The following THAP4 variants were observed in gnomAD, a reference collection of about 807,000 sequenced individuals.
THAP4 encodes THAP domain containing 4.
A neutral mutation model predicts 48.1 loss-of-function variants in THAP4; 18 were observed. The observed-to-expected ratio is 0.37, with a 90% confidence interval of 0.26 to 0.56. THAP4 has a LOEUF of 0.56. Among genes scored for constraint, THAP4 ranks in the 20% least tolerant of loss-of-function variants. The pLI, the probability that THAP4 is intolerant of heterozygous loss-of-function variation, is 0.78. For synonymous variants in THAP4, 345 were observed against 324.9 expected (o/e 1.06, Z -0.66); for missense variants, 656 against 774.9 (o/e 0.85, Z 1.82).
chr2:241,602,823 A>G (rs1270928993), intron 4 of THAP4, 147 bp downstream of exon 4: 2 of 652,124 alleles, frequency 3.1e-6, no homozygotes, highest in Non-Finnish European at 2.7e-6. Context: ...GGCTCCCAGG[A>G]CCACTCTCAA....
At chr2:241,584,776 C>G in intron 5 of THAP4, 51 bp from the exon 6 acceptor site, 1 of 1,611,000 alleles carries the variant, frequency 6.2e-7, no homozygotes, top group Non-Finnish European at 8.5e-7. Flanking sequence ...TCAAAAGATT[C>G]AATCAATGCC....
chr2:241,596,485 C>T (rs1449814265), intron 5 of THAP4, among the ~76,000 whole-genome samples: 27 of 14,492 alleles, frequency 1.9e-3, no homozygotes, highest in African/African-American at 0.014. Context: ...CCAGCCTGGG[C>T]GACAAGAGTG....
At chr2:241,595,848 C>A (rs1414587080) in intron 5 of THAP4, among the ~76,000 whole-genome samples, 1 of 152,186 alleles carries the variant, frequency 6.6e-6, no homozygotes, top group African/African-American at 2.4e-5. Flanking sequence ...AAGAACCAGG[C>A]AGAGGCTGCT....
intron 2 of THAP4, among the ~76,000 whole-genome samples, chr2:241,611,717 C>CT (rs1414711921): frequency 7.5e-6 from 1 of 133,692 alleles, no homozygotes; most frequent in Admixed American, 7.8e-5. Flanking sequence ...GGGTGAGACT[C>CT]TGTCTCCAAA....
chr2:241,621,367 T>A (rs1441101509), intron 2 of THAP4, among the ~76,000 whole-genome samples: 1 of 151,916 alleles, frequency 6.6e-6, no homozygotes, highest in Non-Finnish European at 1.5e-5. Flanking sequence ...GTAATAATAA[T>A]AAAATCAGTA....
Position 241,610,115 on chromosome 2 carries a change from G to A in THAP4, c.1241-3642C>T, listed in dbSNP as rs1166190313. ...CGAGGAAGAGGCCAAGGGGCCTGGC[G>A]GCGCCCCCCAGGGTCCCAGTGGAAC... On this transcript the variant is annotated intron_variant, in intron 2 of 5. Coordinates refer to ENST00000407315, the MANE Select transcript of THAP4 (RefSeq NM_015963.6). This position sits in a 1 kb window ranked among gnomAD's most constrained non-coding sequence, Gnocchi z 4.2. Among the ~76,000 whole-genome samples, 2 of 152,178 alleles carry A rather than the reference G, an allele frequency of 1.3e-5. No individual in the cohort carries two copies. Among genetic ancestry groups the A allele is most frequent in the Non-Finnish European group, 2.9e-5 (2 of 68,014 alleles).
chr2:241,606,361 C>G lies in THAP4; in HGVS notation c.1353G>C (p.Leu451=). 1.9e-6 allele frequency: 3 copies of G among 1,578,464 alleles called. No homozygotes were observed. The highest frequency in any genetic ancestry group is 2.6e-6 in the Non-Finnish European group (3 of 1,162,048). Residue 451 remains leucine (L), a synonymous_variant, in exon 3 of 6, where the codon CTG becomes CTC. Transcript: ENST00000407315. The part of the protein sequence containing the change: ...TYPTLQPFQY[L]EEVHISHVGQ... ...CCACGTGGGAGATGTGAACCTCCTC[C>G]AGGTACTGGAAGGGCTGCAGTGTGG...
chr2:241,584,848 G>A, intron 5 of THAP4, 123 bp from the exon 6 acceptor site: 1 of 1,283,742 alleles, frequency 7.8e-7, no homozygotes, highest in East Asian at 2.3e-5. Flanking sequence ...GGCCCTGCCA[G>A]AGGAGGGTAG....
intron 2 of THAP4, among the ~76,000 whole-genome samples, chr2:241,620,917 T>C (rs1396100448): frequency 6.6e-6 from 1 of 151,964 alleles, no homozygotes; most frequent in Admixed American, 6.6e-5. Flanking sequence ...CTGGATCTGA[T>C]ATTTCATGTC....
intron 2 of THAP4, among the ~76,000 whole-genome samples, chr2:241,615,308 T>C (rs1308236603): frequency 6.6e-6 from 1 of 152,170 alleles, no homozygotes; most frequent in Admixed American, 6.5e-5. Context: ...TAGGAGCTTG[T>C]GTTTCACTTA....
chr2:241,585,780 G>A (rs2066886007), intron 5 of THAP4, among the ~76,000 whole-genome samples: 2 of 151,824 alleles, frequency 1.3e-5, no homozygotes, highest in Non-Finnish European at 2.9e-5. Flanking sequence ...GGGCATGGTG[G>A]TATGCACATG....
At chr2:241,605,512 C>T (rs563117586) in intron 3 of THAP4, among the ~76,000 whole-genome samples, 3 of 152,316 alleles carry the variant, frequency 2.0e-5, no homozygotes, top group African/African-American at 7.2e-5. Context: ...ACACTGCTAT[C>T]TCCCTAAAAG....
rs1017474302 is a variant in THAP4 at position 241,612,871 on chromosome 2, G to A, written c.1241-6398C>T. Among the ~76,000 whole-genome samples the A allele has an allele frequency of 6.6e-6, 1 of 152,216 alleles. No individual in the cohort carries two copies. Among genetic ancestry groups the A allele is most frequent in the South Asian group, 2.1e-4 (1 of 4,828 alleles). On this transcript the variant is annotated intron_variant, in intron 2 of 5. Transcript: ENST00000407315. The surrounding 1 kb of genome is among the most constrained non-coding windows in gnomAD (Gnocchi z 4.1). ...CGATCCTTCCAGATTGCAGGCGCGT[G>A]AGCTGGCTCACTGACACGTGCAGTG...
intron 2 of THAP4, among the ~76,000 whole-genome samples, chr2:241,617,950 C>G (rs2067368915): frequency 6.6e-6 from 1 of 152,252 alleles, no homozygotes; most frequent in Non-Finnish European, 1.5e-5. Flanking sequence ...AATGCACCCA[C>G]TGGGACCTGG....
In THAP4 at chr2:241,616,280, C is replaced by T. The variant is rs1300922185; in HGVS notation, c.1241-9807G>A. Reference sequence around the variant, plus strand: ...GAGGGATGGGTGGGCTGGAGATGGCCAGCAGCTGGCATTGCTGGCAGCTTG... The same window carrying T: ...GAGGGATGGGTGGGCTGGAGATGGCTAGCAGCTGGCATTGCTGGCAGCTTG... On this transcript the variant is annotated intron_variant, in intron 2 of 5. Transcript: ENST00000407315. This position sits in a 1 kb window ranked among gnomAD's most constrained non-coding sequence, Gnocchi z 4.6. 6.6e-6 allele frequency among the ~76,000 whole-genome samples: 1 copy of T among 152,172 alleles called. No individual in the cohort carries two copies.
chr2:241,586,778 T>C (rs1034797486), intron 5 of THAP4, among the ~76,000 whole-genome samples: 1 of 151,864 alleles, frequency 6.6e-6, no homozygotes, highest in African/African-American at 2.4e-5. Context: ...AAATGGAAAA[T>C]GATCAGTAGG....
intron 2 of THAP4, among the ~76,000 whole-genome samples, chr2:241,623,591 A>G (rs2067461037): frequency 6.8e-6 from 1 of 146,742 alleles, no homozygotes; most frequent in South Asian, 2.1e-4. Flanking sequence ...GAAAGAAAAA[A>G]GGAAAAAAAA....
chr2:241,627,909 G>T lies in THAP4; in HGVS notation c.1240+5008C>A, dbSNP rs575460860. ...CCTGTCCCTTGCTCTCCAGAGCCTG[G>T]CCCTTCACAGCCCTCCCCACTGACA... On this transcript the variant is annotated intron_variant, in intron 2 of 5. Coordinates refer to ENST00000407315, the MANE Select transcript of THAP4 (RefSeq NM_015963.6). Among the ~76,000 whole-genome samples the T allele has an allele frequency of 2.0e-5, 3 of 151,972 alleles. No individual in the cohort carries two copies. In the South Asian group the frequency reaches 6.2e-4, roughly 31 times the overall value.
chr2:241,613,366 T>C (rs554862597), intron 2 of THAP4, among the ~76,000 whole-genome samples: 6 of 151,430 alleles, frequency 4.0e-5, no homozygotes, highest in East Asian at 3.9e-4. Flanking sequence ...ACTCAACTCA[T>C]AGGACCCTTG....
Sources: allele counts gnomAD v4.1 joint callset (sites outside exome capture counted in the v4.1 genomes callset), GRCh38; gene constraint gnomAD v4.1.1; non-coding constraint Gnocchi (gnomAD v3.1); transcripts MANE v1.5; gene names NCBI Gene and HGNC (gene_info 2026-07-23, HGNC 2026-07-21).